Variants in GRID2 observed in about 807,000 individuals in gnomAD.
GRID2 encodes glutamate ionotropic receptor delta type subunit 2.
In GRID2, 33 loss-of-function variants were observed where a neutral mutation model predicts 114.8. The ratio of observed to expected loss-of-function variants is 0.29; its 90% CI spans 0.22 to 0.38. GRID2 has a LOEUF of 0.38. Ranked by LOEUF, GRID2 falls within the 10% of genes least tolerant of loss-of-function variation. The pLI, the probability that GRID2 is intolerant of heterozygous loss-of-function variation, is 1.00. For synonymous variants in GRID2, 505 were observed against 449.9 expected, an observed-to-expected ratio of 1.12 and a Z score of -1.55; for missense variants, 1,184 against 1,257.7, an observed-to-expected ratio of 0.94 and a Z score of 0.89.
At chr4:92,609,906 G>A (rs973219456) in intron 2 of GRID2, among the ~76,000 whole-genome samples, 19 of 151,626 alleles carry the variant, frequency 1.3e-4, no homozygotes, top group African/African-American at 4.3e-4. Flanking sequence ...CTGTTAATTA[G>A]GCATAATCTC....
intron 13 of GRID2, among the ~76,000 whole-genome samples, chr4:93,617,108 T>C (rs778957599): frequency 3.3e-5 from 5 of 152,220 alleles, no homozygotes; most frequent in African/African-American, 4.8e-5. Flanking sequence ...CACAAAACTT[T>C]ACTGCAGAAA....
intron 14 of GRID2, among the ~76,000 whole-genome samples, chr4:93,745,204 C>T (rs1036585032): frequency 1.3e-5 from 2 of 152,018 alleles, no homozygotes; most frequent in African/African-American, 2.4e-5. Context: ...ACCAACTGCT[C>T]GATCCAGTGT....
At chr4:93,316,528 C>T (rs959959436) in intron 8 of GRID2, among the ~76,000 whole-genome samples, 2 of 152,090 alleles carry the variant, frequency 1.3e-5, no homozygotes, top group African/African-American at 2.4e-5. Context: ...GTTCATTTTA[C>T]CCTGCTCCTT....
intron 8 of GRID2, among the ~76,000 whole-genome samples, chr4:93,390,148 A>G (rs543743949): frequency 6.6e-6 from 1 of 152,290 alleles, no homozygotes; most frequent in South Asian, 2.1e-4. Context: ...TTACCTGGAA[A>G]GGCTTTTAAA....
At chr4:92,652,874 A>G (rs1194117132) in intron 2 of GRID2, among the ~76,000 whole-genome samples, 1 of 96,512 alleles carries the variant, frequency 1.0e-5, no homozygotes, top group Non-Finnish European at 2.2e-5. Flanking sequence ...ACATATAAAT[A>G]TATAAAAATA....
intron 8 of GRID2, among the ~76,000 whole-genome samples, chr4:93,365,836 T>G (rs538739623): frequency 1.3e-5 from 2 of 152,270 alleles, no homozygotes; most frequent in East Asian, 3.9e-4. Context: ...CAGAAGAACA[T>G]GGATTGTGAA....
chr4:93,323,823 T>C (rs1328113029), intron 8 of GRID2, among the ~76,000 whole-genome samples: 1 of 152,090 alleles, frequency 6.6e-6, no homozygotes, highest in Admixed American at 6.5e-5. Flanking sequence ...TGAAAGGGAG[T>C]TCACTCATGA....
chr4:92,536,603 C>T (rs1307136344), intron 1 of GRID2, among the ~76,000 whole-genome samples: 1 of 152,108 alleles, frequency 6.6e-6, no homozygotes, highest in Non-Finnish European at 1.5e-5. Flanking sequence ...TTTTTGCTTA[C>T]TTTTCTGTTA....
intron 2 of GRID2, among the ~76,000 whole-genome samples, chr4:93,079,242 TTC>T (rs1729636553): frequency 6.6e-6 from 1 of 151,992 alleles, no homozygotes; most frequent in African/African-American, 2.4e-5. Context: ...TTCTAGGTTC[TTC>T]TCAGTACCAT....
At position 92,381,204 on chromosome 4, in the gene GRID2, G is replaced by A. The variant is rs188354433; in HGVS notation, c.88+76460G>A. Among the ~76,000 whole-genome samples the A allele has an allele frequency of 4.3e-3, 641 of 150,436 alleles. 10 individuals are homozygous for A. Among genetic ancestry groups the A allele is most frequent in the Non-Finnish European group, 4.1e-3 (274 of 67,374 alleles). On this transcript the variant is annotated intron_variant, in intron 1 of 15. Transcript: ENST00000282020. Reference sequence around the variant, plus strand: ...TGTGTAGATGAGAAAACAGAGGTACGAATCATTAATAAACTCAGCTAAGGT... The same window carrying A: ...TGTGTAGATGAGAAAACAGAGGTACAAATCATTAATAAACTCAGCTAAGGT...
chr4:92,776,879 T>C (rs1159513024), intron 2 of GRID2, among the ~76,000 whole-genome samples: 1 of 152,158 alleles, frequency 6.6e-6, no homozygotes, highest in East Asian at 1.9e-4. Flanking sequence ...AAAGAAATGC[T>C]TTTTCTGATC....
At position 92,478,347 on chromosome 4, in the gene GRID2, T is replaced by A. The variant is rs931198134; in HGVS notation, c.89-111784T>A. On this transcript the variant is annotated intron_variant, in intron 1 of 15. Coordinates refer to ENST00000282020, the MANE Select transcript of GRID2 (RefSeq NM_001510.4). ...CTTAAATTTTGTATTTCAAACTTAG[T>A]CCTGAAAAGGCATTATTTGCTTCAT... 4.6e-5 allele frequency among the ~76,000 whole-genome samples: 7 copies of A among 152,268 alleles called. No individual in the cohort carries two copies. The East Asian group carries it at 1.4e-3, about 29-fold the overall frequency.
chr4:92,708,389 G>A (rs1235067556), intron 2 of GRID2, among the ~76,000 whole-genome samples: 1 of 152,180 alleles, frequency 6.6e-6, no homozygotes, highest in Non-Finnish European at 1.5e-5. Flanking sequence ...AATTTCTGTC[G>A]TTATTTCCTG....
At chr4:92,823,601 T>C (rs2149390100) in intron 2 of GRID2, among the ~76,000 whole-genome samples, 1 of 151,192 alleles carries the variant, frequency 6.6e-6, no homozygotes, top group African/African-American at 2.5e-5. Context: ...AAACAATCAC[T>C]GAAAAGTTCT....
chr4:92,535,761 A>G (rs1344817445), intron 1 of GRID2, among the ~76,000 whole-genome samples: 1 of 152,192 alleles, frequency 6.6e-6, no homozygotes, highest in Non-Finnish European at 1.5e-5. Flanking sequence ...TCAAGAATGA[A>G]GCCACGGACC....
chr4:92,400,987 T>C (rs1322410986), intron 1 of GRID2, among the ~76,000 whole-genome samples: 1 of 152,204 alleles, frequency 6.6e-6, no homozygotes, highest in Non-Finnish European at 1.5e-5. Context: ...AACCTCAATA[T>C]AAGTTGCTAA....
At chr4:93,124,313 C>T (rs539413053) in intron 4 of GRID2, among the ~76,000 whole-genome samples, 36 of 152,160 alleles carry the variant, frequency 2.4e-4, no homozygotes, top group African/African-American at 7.7e-4. Context: ...TGCTCCTACT[C>T]TATGACATAA....
intron 2 of GRID2, among the ~76,000 whole-genome samples, chr4:92,753,273 A>G (rs1445447947): frequency 2.0e-5 from 3 of 152,206 alleles, no homozygotes; most frequent in South Asian, 4.1e-4. Context: ...AGTGATCTAT[A>G]GAATGATACC....
intron 7 of GRID2, 61 bp downstream of exon 7, chr4:93,224,836 A>G: frequency 2.5e-6 from 3 of 1,196,568 alleles, no homozygotes; most frequent in Non-Finnish European, 3.6e-6. Context: ...ATATTTTAGA[A>G]AAAGGGTTTC....
Sources: allele counts gnomAD v4.1 joint callset (sites outside exome capture counted in the v4.1 genomes callset), GRCh38; gene constraint gnomAD v4.1.1; transcripts MANE v1.5; gene names NCBI Gene and HGNC (gene_info 2026-07-23, HGNC 2026-07-21).